Variants in FSTL4 observed in about 807,000 individuals in gnomAD.
FSTL4 encodes the protein follistatin like 4, also known as follistatin-related protein 4.
Under a neutral mutation model 78.2 loss-of-function variants are expected in FSTL4, and 28 were observed. That is an observed-to-expected ratio of 0.36 (90% CI 0.27 to 0.49). FSTL4 has a LOEUF of 0.49. Ranked by LOEUF, FSTL4 falls within the 20% of genes least tolerant of loss-of-function variation. FSTL4 has a pLI of 0.98. For synonymous variants in FSTL4, 422 were observed against 440.5 expected, an observed-to-expected ratio of 0.96 and a Z score of 0.53; for missense variants, 922 against 1,084.9, an observed-to-expected ratio of 0.85 and a Z score of 2.11.
At chr5:133,772,583 T>G in the FSTL4 span, among the ~76,000 whole-genome samples, 47 of 152,256 alleles carry the variant, frequency 3.1e-4, no homozygotes, top group South Asian at 9.5e-3. Flanking sequence ...GAAGTTCAAG[T>G]TCAAGGGGCC....
At chr5:133,628,366 CT>C in the FSTL4 span, among the ~76,000 whole-genome samples, 18 of 134,614 alleles carry the variant, frequency 1.3e-4, no homozygotes, top group Admixed American at 2.2e-4. Context: ...CTTTTCTTTT[CT>C]TTTTTTTTTG....
the FSTL4 span, among the ~76,000 whole-genome samples, chr5:133,738,536 C>T: frequency 2.0e-5 from 3 of 152,188 alleles, no homozygotes; most frequent in South Asian, 6.2e-4. Flanking sequence ...TGCACCACCC[C>T]ACTCTGCTTG....
the FSTL4 span, among the ~76,000 whole-genome samples, chr5:133,650,053 C>A: frequency 1.3e-5 from 2 of 152,024 alleles, no homozygotes; most frequent in African/African-American, 4.8e-5. Flanking sequence ...CAAAGGGGAA[C>A]CAATGTGTGC....
chr5:133,602,492 A>G (rs1760890822), intron 2 of FSTL4, among the ~76,000 whole-genome samples: 1 of 152,352 alleles, frequency 6.6e-6, no homozygotes, highest in East Asian at 1.9e-4. Context: ...CCCAATAGTA[A>G]GAAGACTAAG....
chr5:133,567,547 C>CT (rs1481662406), intron 2 of FSTL4, among the ~76,000 whole-genome samples: 1 of 152,228 alleles, frequency 6.6e-6, no homozygotes, highest in Non-Finnish European at 1.5e-5. Context: ...ATGACCCACC[C>CT]TCTGCCTGAA....
chr5:133,633,507 T>A, the FSTL4 span, among the ~76,000 whole-genome samples: 1 of 152,208 alleles, frequency 6.6e-6, no homozygotes, highest in Non-Finnish European at 1.5e-5. Context: ...GACTTTCTCT[T>A]TTTTTCATTG....
At chr5:133,355,461 T>G (rs527305179) in intron 4 of FSTL4, among the ~76,000 whole-genome samples, 18 of 152,150 alleles carry the variant, frequency 1.2e-4, no homozygotes, top group Admixed American at 6.5e-4. Context: ...ACCGAGACCA[T>G]CCTGGCCAAC....
rs535456736 is a variant in FSTL4, at chr5:133,482,420, G to C, written c.161-81434C>G. Among the ~76,000 whole-genome samples, 5 of 152,362 alleles carry C rather than the reference G, an allele frequency of 3.3e-5. No individual in the cohort carries two copies. The East Asian group carries it at 7.7e-4, about 24-fold the overall frequency. ...CCATGAAACATAACTGGCAAGGGTA[G>C]GGGCTGCCCAGAGGTTAGTCTGGGC... On this transcript the variant is annotated intron_variant, in intron 3 of 15. Transcript: ENST00000265342.
chr5:133,275,311 G>A (rs537642162), intron 6 of FSTL4, among the ~76,000 whole-genome samples: 6 of 152,036 alleles, frequency 3.9e-5, no homozygotes, highest in Admixed American at 6.6e-5. Context: ...TATAATCCCA[G>A]CACTTTGGGA....
At chr5:133,749,988 C>A in the FSTL4 span, among the ~76,000 whole-genome samples, 1 of 152,288 alleles carries the variant, frequency 6.6e-6, no homozygotes. Flanking sequence ...GAACAGGCCA[C>A]AGAATCCTCT....
chr5:133,829,353 T>C, the FSTL4 span, among the ~76,000 whole-genome samples: 1 of 151,980 alleles, frequency 6.6e-6, no homozygotes, highest in Non-Finnish European at 1.5e-5. Flanking sequence ...GCCACTGCAC[T>C]CCAGCCTCGG....
intron 3 of FSTL4, among the ~76,000 whole-genome samples, chr5:133,451,003 G>A (rs1277876502): frequency 6.6e-6 from 1 of 152,138 alleles, no homozygotes; most frequent in African/African-American, 2.4e-5. Flanking sequence ...GAGGCATGAT[G>A]GGAGGGAGGA....
At chr5:133,295,673 G>A (rs959926180) in intron 6 of FSTL4, among the ~76,000 whole-genome samples, 1 of 152,122 alleles carries the variant, frequency 6.6e-6, no homozygotes, top group African/African-American at 2.4e-5. Context: ...ACTAATACAA[G>A]TCTCTTTTCT....
At chr5:133,318,347 C>T (rs1561669794) in intron 4 of FSTL4, among the ~76,000 whole-genome samples, 1 of 152,112 alleles carries the variant, frequency 6.6e-6, no homozygotes, top group Non-Finnish European at 1.5e-5. Flanking sequence ...CTTTGTGCCC[C>T]TACAAAACTT....
chr5:133,481,307 G>A (rs1484471059), intron 3 of FSTL4, among the ~76,000 whole-genome samples: 1 of 152,192 alleles, frequency 6.6e-6, no homozygotes, highest in Non-Finnish European at 1.5e-5. Context: ...TGGGGAGGCT[G>A]AGGTGGGTGG....
the FSTL4 span, among the ~76,000 whole-genome samples, chr5:133,759,197 A>T: frequency 2.0e-5 from 3 of 152,238 alleles, no homozygotes; most frequent in Admixed American, 1.3e-4. Context: ...TGAAAAGACT[A>T]ATAAATATAT....
chr5:133,322,498 C>T (rs1754095952), intron 4 of FSTL4, among the ~76,000 whole-genome samples: 1 of 152,148 alleles, frequency 6.6e-6, no homozygotes, highest in East Asian at 1.9e-4. Context: ...CTGGAAGGAA[C>T]AGGAAGTAGA....
chr5:133,288,761 C>T (rs1042644494), intron 6 of FSTL4, among the ~76,000 whole-genome samples: 22 of 152,200 alleles, frequency 1.4e-4, no homozygotes, highest in Admixed American at 1.3e-3. Context: ...CTTGACTGAC[C>T]TATCCGAGTG....
At chr5:133,749,052 A>T in the FSTL4 span, among the ~76,000 whole-genome samples, 1 of 152,214 alleles carries the variant, frequency 6.6e-6, no homozygotes, top group Non-Finnish European at 1.5e-5. Flanking sequence ...GGTCAGAGGC[A>T]GAGGAAGCTC....
Sources: allele counts gnomAD v4.1 joint callset (sites outside exome capture counted in the v4.1 genomes callset), GRCh38; gene constraint gnomAD v4.1.1; transcripts MANE v1.5; gene names NCBI Gene and HGNC (gene_info 2026-07-23, HGNC 2026-07-21).